Variants in MAML2 observed in about 807,000 individuals in gnomAD.
MAML2 encodes the protein mastermind like transcriptional coactivator 2.
A neutral mutation model predicts 96.1 loss-of-function variants in MAML2; 22 were observed. The observed-to-expected ratio is 0.23, with a 90% confidence interval of 0.16 to 0.33. The LOEUF (loss-of-function observed/expected upper bound fraction) is 0.33, where lower values mean the gene tolerates loss of function less well. Ranked by LOEUF, MAML2 falls within the 10% of genes least tolerant of loss-of-function variation. The pLI is 1.00. For synonymous variants in MAML2, 561 were observed against 521.3 expected (o/e 1.08, Z -1.04); for missense variants, 1,367 against 1,392.4 (o/e 0.98, Z 0.29).
intron 1 of MAML2, among the ~76,000 whole-genome samples, chr11:96,257,683 C>T (rs1862687010): frequency 1.4e-5 from 2 of 144,174 alleles, no homozygotes; most frequent in Admixed American, 7.0e-5. Flanking sequence ...TGCACAAGGA[C>T]AACTTAAAAC....
intron 1 of MAML2, among the ~76,000 whole-genome samples, chr11:96,130,934 C>A (rs948716195): frequency 1.1e-4 from 16 of 152,058 alleles, no homozygotes; most frequent in African/African-American, 3.9e-4. Flanking sequence ...TAAATGCCTA[C>A]CATACTAGGC....
chr11:96,284,861 C>T (rs1048462423), intron 1 of MAML2, among the ~76,000 whole-genome samples: 1 of 152,160 alleles, frequency 6.6e-6, no homozygotes, highest in Admixed American at 6.5e-5. Context: ...TTACTCAGAA[C>T]CTGTAATGTG....
chr11:96,297,345 C>A (rs1003863931), intron 1 of MAML2, among the ~76,000 whole-genome samples: 1 of 152,096 alleles, frequency 6.6e-6, no homozygotes, highest in Admixed American at 6.5e-5. Context: ...GAAACCAAGG[C>A]AGGCGGATCA....
intron 1 of MAML2, among the ~76,000 whole-genome samples, chr11:96,110,532 AAC>A (rs1228923620): frequency 7.2e-5 from 11 of 152,306 alleles, no homozygotes; most frequent in Middle Eastern, 3.4e-3. Flanking sequence ...GCAGTAGCTA[AAC>A]AGGTTGTATG....
chr11:96,039,343 G>T (rs531204295), intron 2 of MAML2, among the ~76,000 whole-genome samples: 1 of 136,530 alleles, frequency 7.3e-6, no homozygotes, highest in Non-Finnish European at 1.6e-5. Flanking sequence ...GAGGGGAGAG[G>T]AGAGAGGAGA....
chr11:96,244,651 G>A (rs1277816364), intron 1 of MAML2, among the ~76,000 whole-genome samples: 1 of 151,962 alleles, frequency 6.6e-6, no homozygotes, highest in African/African-American at 2.4e-5. Context: ...TCACCCCTAC[G>A]ACTCTACAGA....
rs577269295 is a variant in MAML2 at position 96,206,556 on chromosome 11, C to T, written c.514-113039G>A. Among the ~76,000 whole-genome samples, 23 of 152,290 alleles carry T rather than the reference C, an allele frequency of 1.5e-4. 1 individual carries two copies. In the East Asian group the frequency reaches 3.1e-3, roughly 20 times the overall value. On this transcript the variant is annotated intron_variant, in intron 1 of 4. Transcript: ENST00000524717. Reference sequence around the variant, plus strand: ...GAGGTTGCAGTGAGCCGAGATTGTACGACTGCACTGCAGCCTGGGTGAAAG... The same window carrying T: ...GAGGTTGCAGTGAGCCGAGATTGTATGACTGCACTGCAGCCTGGGTGAAAG...
chr11:96,275,353 C>T (rs1446793894), intron 1 of MAML2, among the ~76,000 whole-genome samples: 1 of 146,172 alleles, frequency 6.8e-6, no homozygotes. Context: ...TCTCTGCTCA[C>T]TGCAAGCTCT....
chr11:96,245,280 G>A (rs892681214), intron 1 of MAML2, among the ~76,000 whole-genome samples: 2 of 142,408 alleles, frequency 1.4e-5, no homozygotes, highest in Non-Finnish European at 3.0e-5. Flanking sequence ...CACTTTTTTC[G>A]AGTGGAAAGT....
At chr11:96,121,314 G>C (rs979132737) in intron 1 of MAML2, among the ~76,000 whole-genome samples, 1 of 152,150 alleles carries the variant, frequency 6.6e-6, no homozygotes, top group Non-Finnish European at 1.5e-5. Flanking sequence ...TATTTCCACT[G>C]AGATATAGAC....
chr11:96,116,628 G>T (rs1161968453), intron 1 of MAML2, among the ~76,000 whole-genome samples: 1 of 152,190 alleles, frequency 6.6e-6, no homozygotes, highest in Non-Finnish European at 1.5e-5. Context: ...CAGAATCTCT[G>T]CAGGATTGGG....
chr11:96,314,605 C>A (rs1863602277), intron 1 of MAML2, among the ~76,000 whole-genome samples: 1 of 152,224 alleles, frequency 6.6e-6, no homozygotes, highest in African/African-American at 2.4e-5. Flanking sequence ...TCAACTCCTT[C>A]TGCTAAGATA....
intron 1 of MAML2, among the ~76,000 whole-genome samples, chr11:96,096,188 A>T (rs1402405468): frequency 1.3e-5 from 2 of 152,018 alleles, no homozygotes; most frequent in Admixed American, 6.6e-5. Flanking sequence ...CTTTGAAAAA[A>T]CCTGTTCAGC....
intron 2 of MAML2, among the ~76,000 whole-genome samples, chr11:96,074,867 A>G (rs575208685): frequency 6.6e-6 from 1 of 152,268 alleles, no homozygotes; most frequent in South Asian, 2.1e-4. Flanking sequence ...AGCCAAGCAC[A>G]CCCAGAGTGG....
chr11:96,182,342 T>C (rs1029781292), intron 1 of MAML2, among the ~76,000 whole-genome samples: 1 of 152,208 alleles, frequency 6.6e-6, no homozygotes, highest in Non-Finnish European at 1.5e-5. Context: ...CAAATATCTA[T>C]TTAGGGCTTA....
intron 2 of MAML2, among the ~76,000 whole-genome samples, chr11:96,041,621 G>A (rs1858812517): frequency 6.6e-6 from 1 of 152,164 alleles, no homozygotes; most frequent in Non-Finnish European, 1.5e-5. Context: ...ATGGTCATCT[G>A]GAGGAAGTGT....
rs187341179 is a variant in MAML2, at chr11:96,148,114, G to A, written c.514-54597C>T. Among the ~76,000 whole-genome samples, 47 of 152,292 alleles carry A rather than the reference G, an allele frequency of 3.1e-4. No homozygotes were observed. In the East Asian group the frequency reaches 8.3e-3, roughly 27 times the overall value. On this transcript the variant is annotated intron_variant, in intron 1 of 4. Transcript: ENST00000524717. ...ACGACGAGCACACCTCATCTGTCACGTCGGGACATGTTAAAAGGAACCCTC... is the reference window on the plus strand; with the variant it reads ...ACGACGAGCACACCTCATCTGTCACATCGGGACATGTTAAAAGGAACCCTC...
chr11:96,283,487 T>C (rs1591112784), intron 1 of MAML2, among the ~76,000 whole-genome samples: 1 of 152,322 alleles, frequency 6.6e-6, no homozygotes, highest in East Asian at 1.9e-4. Context: ...ACAATCTTTT[T>C]CTCCAAAAGT....
rs1301752724 is a variant in MAML2 at position 96,248,121 on chromosome 11, T to TA, written c.513+93261_513+93262insT. 4.0e-5 allele frequency among the ~76,000 whole-genome samples: 6 copies of TA among 150,342 alleles called. No homozygotes were observed. The South Asian group carries it at 6.3e-4, about 16-fold the overall frequency. On this transcript the variant is annotated intron_variant, in intron 1 of 4. Coordinates refer to ENST00000524717, the MANE Select transcript of MAML2 (RefSeq NM_032427.4). ...CTTCACCTGTTTTTTTACTTTTTTT[T>TA]TTTTTTTTTGAGACAGTCTGGCTCT...
Sources: gnomAD v4.1 joint callset for allele counts (sites outside exome capture counted in the v4.1 genomes callset) on GRCh38, gnomAD v4.1.1 for gene constraint, MANE v1.5 for transcripts, NCBI Gene and HGNC (gene_info 2026-07-23, HGNC 2026-07-21) for gene names.